ODAD3: variants seen among roughly 807,000 people sequenced by gnomAD.
ODAD3 encodes the protein outer dynein arm docking complex subunit 3.
Under a neutral mutation model 70.9 loss-of-function variants are expected in ODAD3, and 57 were observed. The ratio of observed to expected loss-of-function variants is 0.80; its 90% CI spans 0.65 to 1.00. ODAD3 has a LOEUF of 1.00. ODAD3 is among the 50% of genes least tolerant of loss of function. The probability of loss-of-function intolerance (pLI) is 0.00; values close to 1 mark genes in which losing one functional copy is unlikely to be tolerated. For synonymous variants in ODAD3, 327 were observed against 315.9 expected (o/e 1.04, Z -0.37); for missense variants, 797 against 763.9 (o/e 1.04, Z -0.51).
In ODAD3 at chr19:11,422,931, C is replaced by G. The variant is rs141756170; in HGVS notation, c.1117-70G>C. 13 of 1,531,416 alleles carry G rather than the reference C, an allele frequency of 8.5e-6. No individual in the cohort carries two copies. The highest frequency in any genetic ancestry group is 1.2e-5 in the South Asian group (1 of 85,094). 94.9% of individuals were successfully genotyped at this position (1,531,416 alleles called of 1,614,324 possible). The stretch of plus-strand genomic sequence containing the variant: ...TAGGGGCGCTCCACCTCCTCTCCCC[C>G]ACCCTGCGAACCCTCGCACGCAGGA... On this transcript the variant is annotated intron_variant, in intron 8 of 12. Coordinates refer to ENST00000356392, the MANE Select transcript of ODAD3 (RefSeq NM_145045.5). The surrounding 1 kb of genome is among the most constrained non-coding windows in gnomAD (Gnocchi z 4.6).
In ODAD3 at chr19:11,421,133, A is replaced by C. The variant is rs76283128; in HGVS notation, c.1670T>G (p.Phe557Cys). The C allele has an allele frequency of 1.7e-5, 27 of 1,613,308 alleles. No homozygotes were observed. In the East Asian group the frequency reaches 5.4e-4, roughly 32 times the overall value. ...ALPLATSKDK[F>C]FDEESEEEDN... ...ATCCCCCCACCCATACTGACCAAAA[A>C]ACTTGTCCTTGGAAGTGGCAAGGGG... is the stretch of plus-strand genomic sequence containing the variant. The change falls in exon 12 of 13, where the codon TTT becomes TGT. Residue 557 changes from phenylalanine (F) to cysteine (C), a missense_variant. Transcript: ENST00000356392.
chr19:11,420,886 G>A lies in ODAD3; in HGVS notation c.1737C>T (p.Ser579=). ...TCTTGTGACTTTCGATTAATTTCTGGGAACGGATCTTGAGTGATGCGCGGG... is the reference window on the plus strand; with the variant it reads ...TCTTGTGACTTTCGATTAATTTCTGAGAACGGATCTTGAGTGATGCGCGGG... ...VVTRASLKIR[S]QKLIESHKKH... The change falls in exon 13 of 13, where the codon TCC becomes TCT. Residue 579 remains serine, a synonymous_variant. Coordinates refer to ENST00000356392, the MANE Select transcript of ODAD3 (RefSeq NM_145045.5). 1.9e-6 allele frequency: 3 copies of A among 1,613,968 alleles called. No homozygotes were observed. The highest frequency in any genetic ancestry group is 2.5e-6 in the Non-Finnish European group (3 of 1,179,966).
rs376844589 is a variant in ODAD3, at chr19:11,426,276, G to T, written c.841-10C>A. The T allele has an allele frequency of 6.2e-7, 1 of 1,613,632 alleles. No individual in the cohort carries two copies. Among genetic ancestry groups the T allele is most frequent in the Admixed American group, 1.7e-5 (1 of 59,988 alleles). On this transcript the variant is annotated splice_polypyrimidine_tract_variant and intron_variant, in intron 6 of 12. Coordinates refer to ENST00000356392, the MANE Select transcript of ODAD3 (RefSeq NM_145045.5). ...GGTACTGCAGCTGGTTCTGGAGGGC[G>T]GGCAGGGTAGCAGGGAGACCAGCTG... is the stretch of plus-strand genomic sequence containing the variant.
chr19:11,435,624 AT>A, upstream of ODAD3: 1 of 1,203,932 alleles, frequency 8.3e-7, no homozygotes, highest in South Asian at 1.3e-5. Flanking sequence ...GGGTCCAGAA[AT>A]TTCCGCTTTC....
chr19:11,435,476 A>C (rs1021911539), upstream of ODAD3: 1 of 369,636 alleles, frequency 2.7e-6, no homozygotes, highest in African/African-American at 2.1e-5. Flanking sequence ...GCTAGCCCTC[A>C]GAACTATCCT....
intron 1 of ODAD3, among the ~76,000 whole-genome samples, chr19:11,432,389 G>C (rs929231123): frequency 2.0e-5 from 3 of 151,640 alleles, no homozygotes; most frequent in African/African-American, 7.3e-5. Flanking sequence ...GCTAGGACTA[G>C]AGGCATGTGC....
rs1282092234 is a variant in ODAD3 at position 11,422,168 on chromosome 19, G to C, written c.1434+303C>G. Among the ~76,000 whole-genome samples, 1 of 152,222 alleles carries C rather than the reference G, an allele frequency of 6.6e-6. No individual in the cohort carries two copies. On this transcript the variant is annotated intron_variant, in intron 10 of 12. Coordinates refer to ENST00000356392, the MANE Select transcript of ODAD3 (RefSeq NM_145045.5). The surrounding 1 kb of genome is among the most constrained non-coding windows in gnomAD (Gnocchi z 4.6). ...TCGGGCTGCTCCAGAACTGCAGATA[G>C]GTCTCCGAGCTTTTCGGGGACAGGG... is the stretch of plus-strand genomic sequence containing the variant.
At chr19:11,421,261 C>T in intron 11 of ODAD3, 49 bp from the exon 12 acceptor site, 3 of 1,542,584 alleles carry the variant, frequency 1.9e-6, no homozygotes, top group Non-Finnish European at 2.6e-6. Context: ...GGCCAGGGGC[C>T]ACCGAGAAGT....
chr19:11,427,835 TC>T (rs1484325783), intron 3 of ODAD3, among the ~76,000 whole-genome samples: 2 of 147,336 alleles, frequency 1.4e-5, no homozygotes, highest in Non-Finnish European at 3.0e-5. Flanking sequence ...GCGCGGTGGC[TC>T]CCGCCTGTAA....
intron 7 of ODAD3, among the ~76,000 whole-genome samples, chr19:11,425,594 T>C (rs1387288052): frequency 3.0e-5 from 4 of 131,322 alleles, no homozygotes; most frequent in East Asian, 2.0e-4. Flanking sequence ...TATGTATATG[T>C]GTATATATGT....
chr19:11,432,947 C>T (rs998297291), intron 1 of ODAD3, among the ~76,000 whole-genome samples: 2 of 152,118 alleles, frequency 1.3e-5, no homozygotes, highest in African/African-American at 2.4e-5. Flanking sequence ...GCGTGCGCCA[C>T]CATGCCCGGC....
chr19:11,428,630 C>T (rs1969436863), intron 3 of ODAD3, among the ~76,000 whole-genome samples: 2 of 152,108 alleles, frequency 1.3e-5, no homozygotes, highest in African/African-American at 4.8e-5. Flanking sequence ...CTCACTGCAG[C>T]CTCGACCTCC....
chr19:11,427,329 C>G (rs1443983231), intron 3 of ODAD3, among the ~76,000 whole-genome samples: 1 of 150,292 alleles, frequency 6.7e-6, no homozygotes, highest in African/African-American at 2.4e-5. Context: ...GAGTCTTGCT[C>G]TGACACCCAG....
Position 11,434,898 on chromosome 19 carries a change from C to G in ODAD3, c.119G>C (p.Arg40Pro). 1.2e-6 allele frequency: 2 copies of G among 1,614,154 alleles called. No individual in the cohort carries two copies. Among genetic ancestry groups the G allele is most frequent in the Non-Finnish European group, 1.7e-6 (2 of 1,180,030 alleles). ...REASGKPSHL[R>P]GKGTAQAWTP... ...CCACGCCTGGGCTGTGCCCTTGCCT[C>G]GGAGGTGGCTGGGTTTGCCCGAAGC... Residue 40 changes from arginine (R) to proline (P), a missense_variant, in exon 1 of 13, where the codon CGA (arginine) becomes CCA (proline). By Grantham distance (103) the Arg-to-Pro change is moderately radical. Coordinates refer to ENST00000356392, the MANE Select transcript of ODAD3 (RefSeq NM_145045.5).
chr19:11,435,003 A>C lies in ODAD3; in HGVS notation c.14T>G (p.Leu5Arg), dbSNP rs781653839. 6.2e-7 allele frequency: 1 copy of C among 1,611,360 alleles called. No individual in the cohort carries two copies. MTSPLCRAASANALP... is the reference protein window; with the variant it reads MTSPRCRAASANALP... Reference sequence around the variant, plus strand: ...GGCGTTGGCGGAGGCCGCCCTGCACAGAGGAGATGTCATGATGGGGTTGGG... The same window carrying C: ...GGCGTTGGCGGAGGCCGCCCTGCACCGAGGAGATGTCATGATGGGGTTGGG... Residue 5 changes from leucine to arginine, a missense_variant, in exon 1 of 13, where the codon CTG becomes CGG. Coordinates refer to ENST00000356392, the MANE Select transcript of ODAD3 (RefSeq NM_145045.5).
At chr19:11,429,996 C>A (rs1055213633) in intron 3 of ODAD3, among the ~76,000 whole-genome samples, 2 of 152,058 alleles carry the variant, frequency 1.3e-5, no homozygotes, top group African/African-American at 4.8e-5. Context: ...TGCCACTGGT[C>A]ATTGTTTTCG....
chr19:11,426,017 C>T (rs1969362582), intron 7 of ODAD3, 127 bp downstream of exon 7: 2 of 1,254,648 alleles, frequency 1.6e-6, no homozygotes, highest in African/African-American at 2.0e-5. Flanking sequence ...GGGGTGGAGT[C>T]AGAGAGGGGG....
chr19:11,432,662 G>A (rs1969527020), intron 1 of ODAD3, among the ~76,000 whole-genome samples: 1 of 152,204 alleles, frequency 6.6e-6, no homozygotes, highest in African/African-American at 2.4e-5. Context: ...GCTGGACTAA[G>A]AGGTTTCCGA....
chr19:11,424,046 G>A lies in ODAD3; in HGVS notation c.964-17C>T. 2.5e-6 allele frequency: 4 copies of A among 1,601,772 alleles called. No individual in the cohort carries two copies. Among genetic ancestry groups the A allele is most frequent in the Non-Finnish European group, 3.4e-6 (4 of 1,177,024 alleles). ...GCGGTGGGTCTGCTCGTGGGTTGAG[G>A]TCAGAGCCAGGGTCAGCTGGTGGAC... On this transcript the variant is annotated splice_polypyrimidine_tract_variant and intron_variant, in intron 7 of 12. Transcript: ENST00000356392.
Sources: allele counts gnomAD v4.1 joint callset (sites outside exome capture counted in the v4.1 genomes callset), GRCh38; gene constraint gnomAD v4.1.1; non-coding constraint Gnocchi (gnomAD v3.1); transcripts MANE v1.5; gene names NCBI Gene and HGNC (gene_info 2026-07-23, HGNC 2026-07-21).